Variants in LDB3 observed in about 807,000 individuals in gnomAD.
The protein encoded by LDB3 is LIM domain-binding protein 3.
Under a neutral mutation model 69.0 loss-of-function variants are expected in LDB3, and 49 were observed. That is an observed-to-expected ratio of 0.71 (90% confidence interval 0.56 to 0.90). The LOEUF is 0.90. Ranked by LOEUF, LDB3 falls within the 40% of genes least tolerant of loss-of-function variation. The pLI, the probability that LDB3 is intolerant of heterozygous loss-of-function variation, is 0.00. For synonymous variants in LDB3, 387 were observed against 396.2 expected, an observed-to-expected ratio of 0.98 and a Z score of 0.28; for missense variants, 928 against 974.1, an observed-to-expected ratio of 0.95 and a Z score of 0.63.
chr10:86,719,772 A>G (rs1192068464), intron 12 of LDB3, among the ~76,000 whole-genome samples: 3 of 152,228 alleles, frequency 2.0e-5, no homozygotes, highest in Non-Finnish European at 4.4e-5. Context: ...TACCCCCAAA[A>G]TGCTATATGT....
chr10:86,732,053 C>T (rs1439555415), intron 13 of LDB3, among the ~76,000 whole-genome samples: 2 of 147,434 alleles, frequency 1.4e-5, no homozygotes, highest in Admixed American at 1.4e-4. Flanking sequence ...CTATGTTGCC[C>T]AGGCTGGTCT....
At position 86,692,639 on chromosome 10, in the gene LDB3, G is replaced by A. The variant is rs1722552939; in HGVS notation, c.896+68G>A. 3.6e-6 allele frequency: 5 copies of A among 1,399,906 alleles called. No homozygotes were observed. In the Admixed American group the frequency reaches 6.7e-5, roughly 19 times the overall value. The allele number at this position is 1,399,906 out of a possible 1,614,324, so 86.7% of individuals were successfully genotyped here. On this transcript the variant is annotated intron_variant, in intron 7 of 13. Transcript: ENST00000361373. ...CCGTCCCTCCCCGGGCAGCCCCCAGGTCACATCACTCATGGAAGGGACCTC... is the reference window on the plus strand; with the variant it reads ...CCGTCCCTCCCCGGGCAGCCCCCAGATCACATCACTCATGGAAGGGACCTC...
chr10:86,689,801 G>A (rs995892006), intron 5 of LDB3, among the ~76,000 whole-genome samples: 1 of 152,226 alleles, frequency 6.6e-6, no homozygotes, highest in Non-Finnish European at 1.5e-5. Context: ...AGCAAATGCA[G>A]CGGTGACCTG....
chr10:86,717,893 T>A, intron 10 of LDB3, 71 bp from the exon 11 acceptor site: 2 of 1,396,910 alleles, frequency 1.4e-6, no homozygotes, highest in Non-Finnish European at 1.0e-6. Flanking sequence ...TAAACAGTGT[T>A]GGGGTTCTTC....
chr10:86,666,885 G>A (rs1844206820), upstream of LDB3: 3 of 469,376 alleles, frequency 6.4e-6, no homozygotes, highest in Non-Finnish European at 1.3e-5. Flanking sequence ...CTGAGGGTGG[G>A]TGCCTTCCTT....
chr10:86,692,437 C>T (rs1486119934), intron 6 of LDB3, 98 bp from the exon 7 acceptor site: 2 of 1,222,686 alleles, frequency 1.6e-6, no homozygotes, highest in Non-Finnish European at 2.4e-6. Context: ...CCGTGTGGGG[C>T]CTGGCTGAAT....
chr10:86,681,619 A>G lies in LDB3; in HGVS notation c.505A>G (p.Arg169Gly), dbSNP rs1242870287. ...SDPGPPRASLRAKTSPEGARD... is the reference protein window; with the variant it reads ...SDPGPPRASLGAKTSPEGARD... ...CCCTGGCCCTCCGCGGGCCAGCCTG[A>G]GGGCCAAGACCAGCCCAGAGGGGGC... is the stretch of plus-strand genomic sequence containing the variant. Residue 169 changes from arginine to glycine, a missense_variant, in exon 5 of 14, where the codon AGG (arginine) becomes GGG (glycine). Transcript: ENST00000361373. 6.2e-7 allele frequency: 1 copy of G among 1,612,954 alleles called. No individual in the cohort carries two copies. The highest frequency in any genetic ancestry group is 8.5e-7 in the Non-Finnish European group (1 of 1,179,780).
intron 9 of LDB3, among the ~76,000 whole-genome samples, chr10:86,712,463 C>A (rs527555386): frequency 6.6e-6 from 1 of 152,244 alleles, no homozygotes; most frequent in Admixed American, 6.5e-5. Context: ...TCTAAGCGGG[C>A]ATCTGCTGTT....
intron 5 of LDB3, among the ~76,000 whole-genome samples, chr10:86,687,955 C>T (rs1845573874): frequency 6.6e-6 from 1 of 152,026 alleles, no homozygotes. Flanking sequence ...GCAGACAGAC[C>T]TCTCTCTGCG....
chr10:86,712,777 C>G (rs551914264), intron 9 of LDB3, among the ~76,000 whole-genome samples: 1 of 152,182 alleles, frequency 6.6e-6, no homozygotes, highest in Non-Finnish European at 1.5e-5. Context: ...TTTAAGATAT[C>G]AGGCCGGACG....
At chr10:86,714,553 CTT>C (rs11306108) in intron 9 of LDB3, among the ~76,000 whole-genome samples, 2,569 of 124,054 alleles carry the variant, frequency 0.021, 24 homozygotes, top group African/African-American at 0.051. Context: ...AAGGTATTAT[CTT>C]TTTTTTTTTT....
At chr10:86,727,920 C>T (rs554258907) in intron 13 of LDB3, among the ~76,000 whole-genome samples, 149 of 151,476 alleles carry the variant, frequency 9.8e-4, no homozygotes, top group African/African-American at 3.5e-3. Flanking sequence ...TCACGGCAAA[C>T]TCTGCCTTCT....
At chr10:86,716,300 T>G (rs1846866510) in intron 9 of LDB3, 27 bp from the exon 10 acceptor site, 1 of 1,611,368 alleles carries the variant, frequency 6.2e-7, no homozygotes, top group Non-Finnish European at 8.5e-7. Flanking sequence ...GACACACCTT[T>G]CTTTGGGTTT....
upstream of LDB3, chr10:86,668,355 G>A (rs1422928562): frequency 5.0e-6 from 2 of 400,852 alleles, no homozygotes; most frequent in East Asian, 5.4e-5. Flanking sequence ...GGGGGTGCTG[G>A]GTGCCGGACA....
At chr10:86,679,874 C>T (rs1167696635) in intron 3 of LDB3, among the ~76,000 whole-genome samples, 1 of 152,202 alleles carries the variant, frequency 6.6e-6, no homozygotes, top group African/African-American at 2.4e-5. Context: ...GCCCAGGGGC[C>T]ATGATTTCTC....
chr10:86,668,370 T>C, upstream of LDB3: 2 of 432,552 alleles, frequency 4.6e-6, no homozygotes, highest in Non-Finnish European at 8.7e-6. Flanking sequence ...CGGACACCCC[T>C]CCCCAGGGGC....
At chr10:86,673,598 G>C (rs1467030018) in intron 2 of LDB3, among the ~76,000 whole-genome samples, 2 of 152,254 alleles carry the variant, frequency 1.3e-5, no homozygotes, top group Non-Finnish European at 2.9e-5. Context: ...GTGAGCATGA[G>C]CAAAGCCCCA....
In LDB3 at chr10:86,706,548, C is replaced by G. The variant is rs544084461; in HGVS notation, c.914C>G (p.Ala305Gly). 2.5e-6 allele frequency: 4 copies of G among 1,612,718 alleles called. No homozygotes were observed. The South Asian group carries it at 4.4e-5, about 18-fold the overall frequency. The stretch of plus-strand genomic sequence containing the variant: ...CTCATCAGCACCCCTATTGAGCATG[C>G]GCCGGTGTGCACCAGCCAGGCCACC... ...LRRSSTPIEH[A>G]PVCTSQATTP... The change falls in exon 8 of 14, where the codon GCG (alanine) becomes GGG (glycine). Residue 305 changes from alanine to glycine, a missense_variant. Physicochemically the swap from Ala to Gly is moderately conservative, Grantham distance 60. Transcript: ENST00000361373.
intron 5 of LDB3, among the ~76,000 whole-genome samples, chr10:86,684,317 C>T (rs907619658): frequency 6.6e-6 from 1 of 152,254 alleles, no homozygotes; most frequent in African/African-American, 2.4e-5. Flanking sequence ...ATCCCGGCCC[C>T]AGGTCCTGGG....
Sources: gnomAD v4.1 joint callset for allele counts (sites outside exome capture counted in the v4.1 genomes callset) on GRCh38, gnomAD v4.1.1 for gene constraint, MANE v1.5 for transcripts, NCBI Gene and HGNC (gene_info 2026-07-23, HGNC 2026-07-21) for gene names.